The following DARS1 variants were observed in gnomAD, a reference collection of about 807,000 sequenced individuals.
DARS1 encodes aspartyl-tRNA synthetase 1, also known as aspartate--tRNA ligase, cytoplasmic.
In DARS1, 51 loss-of-function variants were observed where a neutral mutation model predicts 68.8. The observed-to-expected ratio is 0.74, with a 90% confidence interval of 0.59 to 0.94. DARS1 has a LOEUF of 0.94. Among genes scored for constraint, DARS1 ranks in the 40% least tolerant of loss-of-function variants. The pLI is 0.00. For missense variants in DARS1, 607 were observed against 597.3 expected (o/e 1.02, Z -0.17); for synonymous variants, 203 against 190.4 (o/e 1.07, Z -0.55).
At chr2:135,919,967 T>G (rs1681081617) in intron 10 of DARS1, among the ~76,000 whole-genome samples, 1 of 152,198 alleles carries the variant, frequency 6.6e-6, no homozygotes, top group African/African-American at 2.4e-5. Context: ...CTATTTCCAC[T>G]TAATGGCTGA....
At chr2:135,929,303 G>A (rs918326869) in intron 7 of DARS1, among the ~76,000 whole-genome samples, 14 of 152,190 alleles carry the variant, frequency 9.2e-5, no homozygotes, top group South Asian at 2.1e-4. Flanking sequence ...TGGCAGCCCC[G>A]AGTCCCCAAT....
chr2:135,916,304 G>T lies in DARS1; in HGVS notation c.1028C>A (p.Thr343Asn). The T allele has an allele frequency of 6.5e-7, 1 of 1,540,158 alleles. No individual in the cohort carries two copies. Among genetic ancestry groups the T allele is most frequent in the Non-Finnish European group, 9.0e-7 (1 of 1,112,564 alleles). The change falls in exon 11 of 16, where the codon ACT becomes AAT. Residue 343 changes from threonine to asparagine, a missense_variant. Coordinates refer to ENST00000264161, the MANE Select transcript of DARS1 (RefSeq NM_001349.4). The stretch of plus-strand genomic sequence containing the variant: ...TGCTTCACAATATTCTAGTCTTAGA[G>T]TTGGCTCCAAAAATTTGAATGGCTC... ...PCEPFKFLEP[T>N]LRLEYCEALA...
At chr2:135,934,248 G>A (rs1198138135) in intron 5 of DARS1, among the ~76,000 whole-genome samples, 1 of 152,180 alleles carries the variant, frequency 6.6e-6, no homozygotes, top group East Asian at 1.9e-4. Flanking sequence ...AAAATTATTT[G>A]TAAATTTTAA....
intron 3 of DARS1, among the ~76,000 whole-genome samples, chr2:135,973,685 T>A (rs938880613): frequency 6.6e-6 from 1 of 151,586 alleles, no homozygotes; most frequent in Non-Finnish European, 1.5e-5. Context: ...CAAAACCCCA[T>A]CTTTACAAAA....
rs1427849544 is a variant in DARS1, at chr2:135,942,821, A to G, written c.423+557T>C. On this transcript the variant is annotated intron_variant, in intron 5 of 15. Coordinates refer to ENST00000264161, the MANE Select transcript of DARS1 (RefSeq NM_001349.4). Reference sequence around the variant, plus strand: ...GTGGCTGTGGTAGACTGTTTGCAAAAATGGCTGCAATACTTCCTCTTGCTC... The same window carrying G: ...GTGGCTGTGGTAGACTGTTTGCAAAGATGGCTGCAATACTTCCTCTTGCTC... Among the ~76,000 whole-genome samples the G allele has an allele frequency of 2.0e-5, 3 of 152,120 alleles. No individual in the cohort carries two copies. The East Asian group carries it at 5.8e-4, about 29-fold the overall frequency.
chr2:135,946,728 T>C (rs1176788796), intron 4 of DARS1, among the ~76,000 whole-genome samples: 1 of 152,114 alleles, frequency 6.6e-6, no homozygotes, highest in Non-Finnish European at 1.5e-5. Flanking sequence ...GAGGTCACCA[T>C]CTTGCAAATA....
chr2:135,972,764 G>A (rs1454986409), intron 3 of DARS1, among the ~76,000 whole-genome samples: 2 of 152,092 alleles, frequency 1.3e-5, no homozygotes, highest in Non-Finnish European at 2.9e-5. Context: ...ATGGGCAAAA[G>A]ATTTAAATAG....
At chr2:135,965,585 C>T (rs1682206881) in intron 3 of DARS1, among the ~76,000 whole-genome samples, 1 of 152,156 alleles carries the variant, frequency 6.6e-6, no homozygotes, top group Non-Finnish European at 1.5e-5. Flanking sequence ...TTACTCAATG[C>T]TTGGGAGAAT....
chr2:135,907,261 T>TTTTTA lies in DARS1; in HGVS notation c.*54_*55insTAAAA. The TTTTTA allele has an allele frequency of 1.1e-6, 1 of 889,240 alleles. No individual in the cohort carries two copies. The highest frequency in any genetic ancestry group is 1.8e-5 in the South Asian group (1 of 56,436). 55.1% of individuals were successfully genotyped at this position (889,240 alleles called of 1,614,324 possible). A position where few individuals can be genotyped will look rare whatever the true frequency, so the allele number is the denominator to read the frequency against. On this transcript the variant is annotated 3_prime_UTR_variant, in exon 16 of 16. Transcript: ENST00000264161. ...GGCTTTCTTTTTTTTTTTTTTTTTTTGAGGCAGGGTCTCGCTCTGTCATCC... is the reference window on the plus strand; with the variant it reads ...GGCTTTCTTTTTTTTTTTTTTTTTTTTTTTAGAGGCAGGGTCTCGCTCTGTCATCC...
intron 4 of DARS1, among the ~76,000 whole-genome samples, chr2:135,955,526 T>C (rs1681952079): frequency 6.6e-6 from 1 of 152,040 alleles, no homozygotes; most frequent in African/African-American, 2.4e-5. Context: ...ATAAATTAAA[T>C]GTACAATTCA....
At chr2:135,955,574 A>T (rs555833453) in intron 4 of DARS1, among the ~76,000 whole-genome samples, 21 of 151,840 alleles carry the variant, frequency 1.4e-4, no homozygotes, top group Non-Finnish European at 2.9e-4. Flanking sequence ...AACACAAGAA[A>T]CCACGTATTT....
intron 7 of DARS1, among the ~76,000 whole-genome samples, chr2:135,927,929 T>C (rs1480465997): frequency 2.0e-5 from 3 of 152,204 alleles, no homozygotes; most frequent in Admixed American, 1.3e-4. Flanking sequence ...TCTGCATTTA[T>C]AGAATTCCTT....
At chr2:135,980,316 T>G (rs549301979) in intron 2 of DARS1, 1 of 152,352 alleles carries the variant, frequency 6.6e-6, no homozygotes, top group African/African-American at 2.4e-5. Context: ...AATCATTTGA[T>G]TAGAGAAAAA....
At chr2:135,955,790 G>C (rs1289909338) in intron 4 of DARS1, among the ~76,000 whole-genome samples, 1 of 149,378 alleles carries the variant, frequency 6.7e-6, no homozygotes. Context: ...AGGTAGCTGG[G>C]GACTACAGGC....
At chr2:135,927,979 CT>C (rs1428837810) in intron 7 of DARS1, among the ~76,000 whole-genome samples, 1 of 152,036 alleles carries the variant, frequency 6.6e-6, no homozygotes, top group Admixed American at 6.6e-5. Context: ...AAAATTATAT[CT>C]TTTGTGGAGA....
intron 2 of DARS1, among the ~76,000 whole-genome samples, chr2:135,981,352 G>A (rs1682626404): frequency 6.6e-6 from 1 of 152,080 alleles, no homozygotes; most frequent in Non-Finnish European, 1.5e-5. Context: ...CCCTGGCAGA[G>A]GAATATCATC....
At chr2:135,927,879 G>T (rs1346123646) in intron 7 of DARS1, among the ~76,000 whole-genome samples, 1 of 152,114 alleles carries the variant, frequency 6.6e-6, no homozygotes, top group Non-Finnish European at 1.5e-5. Context: ...CTGCTATTCT[G>T]TATTATGTGA....
chr2:135,952,850 T>C (rs780956700), intron 4 of DARS1, among the ~76,000 whole-genome samples: 1 of 152,190 alleles, frequency 6.6e-6, no homozygotes, highest in Non-Finnish European at 1.5e-5. Context: ...CAAATATGTA[T>C]CTCTCTTTGA....
At chr2:135,970,223 A>T (rs532644956) in intron 3 of DARS1, among the ~76,000 whole-genome samples, 1 of 144,982 alleles carries the variant, frequency 6.9e-6, no homozygotes, top group Non-Finnish European at 1.5e-5. Context: ...ACTGTACTCT[A>T]GCCTGGGCAA....
Sources: gnomAD v4.1 joint callset for allele counts (sites outside exome capture counted in the v4.1 genomes callset) on GRCh38, gnomAD v4.1.1 for gene constraint, MANE v1.5 for transcripts, NCBI Gene and HGNC (gene_info 2026-07-23, HGNC 2026-07-21) for gene names.